Variants in SNRNP27 observed in about 807,000 individuals in gnomAD.
SNRNP27 encodes the protein small nuclear ribonucleoprotein U4/U6.U5 subunit 27.
Under a neutral mutation model 25.1 loss-of-function variants are expected in SNRNP27, and 22 were observed. The ratio of observed to expected loss-of-function variants is 0.88; its 90% CI spans 0.63 to 1.25. The LOEUF (loss-of-function observed/expected upper bound fraction) is 1.25, where lower values mean the gene tolerates loss of function less well. Among genes scored for constraint, SNRNP27 ranks in the 50% most tolerant of loss-of-function variants. SNRNP27 has a pLI of 0.00. For synonymous variants in SNRNP27, 66 were observed against 64.9 expected (o/e 1.02, Z -0.08); for missense variants, 150 against 202.3 (o/e 0.74, Z 1.57).
chr2:69,905,149 TA>T lies in SNRNP27; in HGVS notation c.*843del, dbSNP rs1676776161. ...CTTGGTTGTATCATAATTTATTAAC[TA>T]ATGTTTTATTGGTAAACATTGGCTT... is the stretch of plus-strand genomic sequence containing the variant. On this transcript the variant is annotated 3_prime_UTR_variant, in exon 6 of 6. Transcript: ENST00000244227. 1 of 152,218 alleles carries T rather than the reference TA, an allele frequency of 6.6e-6. No homozygotes were observed. The highest frequency in any genetic ancestry group is 2.4e-5 in the African/African-American group (1 of 41,466). The allele number at this position is 152,218 out of a possible 1,614,324, so 9.4% of individuals were successfully genotyped here.
At chr2:69,902,265 T>TCTCCTTCCTCCTC (rs1456327994) in intron 4 of SNRNP27, among the ~76,000 whole-genome samples, 2 of 144,290 alleles carry the variant, frequency 1.4e-5, no homozygotes, top group African/African-American at 2.6e-5. Flanking sequence ...CCTTCTTTCT[T>TCTCCTTCCTCCTC]CTCCTTCCTC....
intron 5 of SNRNP27, 66 bp from the exon 6 acceptor site, chr2:69,904,188 G>GTT (rs35836496): frequency 6.0e-3 from 5,536 of 918,262 alleles, no homozygotes; most frequent in South Asian, 0.012. Context: ...TCTGATGCAT[G>GTT]TTTTTTTTTT....
chr2:69,902,536 TCTGCTTCTG>T lies in SNRNP27; in HGVS notation c.349-630_349-622del, dbSNP rs372459720. On this transcript the variant is annotated intron_variant, in intron 4 of 5. Transcript: ENST00000244227. ...TGCTGCTGCTGCTCTAGCTTCTGCT[TCTGCTTCTG>T]CTGCTTCTGCTGCTCCTTCTGCTGC... Among the ~76,000 whole-genome samples, 1,052 of 152,072 alleles carry T rather than the reference TCTGCTTCTG, an allele frequency of 6.9e-3. 12 individuals are homozygous for T. Among genetic ancestry groups the T allele is most frequent in the African/African-American group, 0.024 (999 of 41,444 alleles).
chr2:69,902,452 G>T (rs553709358), intron 4 of SNRNP27, among the ~76,000 whole-genome samples: 1 of 151,802 alleles, frequency 6.6e-6, no homozygotes, highest in South Asian at 2.1e-4. Context: ...TGCTGCTCTT[G>T]CTTCTTCTTC....
rs1676775361 is a variant in SNRNP27 at position 69,905,117 on chromosome 2, G to A, written c.*809G>A. 6.6e-6 allele frequency: 1 copy of A among 152,062 alleles called. No homozygotes were observed. Among genetic ancestry groups the A allele is most frequent in the African/African-American group, 2.4e-5 (1 of 41,406 alleles). The allele number at this position is 152,062 out of a possible 1,614,324, so 9.4% of individuals were successfully genotyped here. A position where few individuals can be genotyped will look rare whatever the true frequency, so the allele number is the denominator to read the frequency against. On this transcript the variant is annotated 3_prime_UTR_variant, in exon 6 of 6. Transcript: ENST00000244227. ...ATATTCTTTGGAAACTTAGCTTTTA[G>A]TAACTACTTGGTTGTATCATAATTT...
chr2:69,904,338 T>A lies in SNRNP27; in HGVS notation c.*30T>A, dbSNP rs1558563261. On this transcript the variant is annotated 3_prime_UTR_variant, in exon 6 of 6. Coordinates refer to ENST00000244227, the MANE Select transcript of SNRNP27 (RefSeq NM_006857.3). ...TGAAGTGTTGAAGGATGATTTTTTTTCCCCTCATCTTGGTCAGAGAGTGGA... is the reference window on the plus strand; with the variant it reads ...TGAAGTGTTGAAGGATGATTTTTTTACCCCTCATCTTGGTCAGAGAGTGGA... The A allele has an allele frequency of 1.3e-6, 2 of 1,571,392 alleles. No homozygotes were observed. Among genetic ancestry groups the A allele is most frequent in the African/African-American group, 1.3e-5 (1 of 74,198 alleles).
chr2:69,899,721 C>A (rs1676661210), intron 4 of SNRNP27, among the ~76,000 whole-genome samples: 1 of 152,130 alleles, frequency 6.6e-6, no homozygotes, highest in Non-Finnish European at 1.5e-5. Flanking sequence ...TGAGACATTG[C>A]GCCCGGCCTC....
rs183299643 is a variant in SNRNP27 at position 69,902,176 on chromosome 2, C to T, written c.349-1005C>T. On this transcript the variant is annotated intron_variant, in intron 4 of 5. Coordinates refer to ENST00000244227, the MANE Select transcript of SNRNP27 (RefSeq NM_006857.3). ...CATAGGATCTGGAAATTATCTCTGCCTCATTGGACTCTCCTCCTTCCTCCT... is the reference window on the plus strand; with the variant it reads ...CATAGGATCTGGAAATTATCTCTGCTTCATTGGACTCTCCTCCTTCCTCCT... Among the ~76,000 whole-genome samples, 21 of 149,968 alleles carry T rather than the reference C, an allele frequency of 1.4e-4. No homozygotes were observed. The East Asian group carries it at 3.0e-3, about 21-fold the overall frequency.
chr2:69,902,276 C>CTTCCTTCTTTCTTCTCCT lies in SNRNP27; in HGVS notation c.349-904_349-903insTCCTTCTTTCTTCTCCTT, dbSNP rs758950914. 1.5e-3 allele frequency among the ~76,000 whole-genome samples: 220 copies of CTTCCTTCTTTCTTCTCCT among 149,728 alleles called. 1 individual carries two copies. Among genetic ancestry groups the CTTCCTTCTTTCTTCTCCT allele is most frequent in the African/African-American group, 5.3e-3 (213 of 40,534 alleles). Reference sequence around the variant, plus strand: ...CCTTCCTTCTTTCTTCTCCTTCCTCCTCCTCCTTCCTCCTTCCTCCTCCTT... The same window carrying CTTCCTTCTTTCTTCTCCT: ...CCTTCCTTCTTTCTTCTCCTTCCTCCTTCCTTCTTTCTTCTCCTTCCTCCTTCCTCCTTCCTCCTCCTT... On this transcript the variant is annotated intron_variant, in intron 4 of 5. Transcript: ENST00000244227.
Position 69,904,618 on chromosome 2 carries a change from T to A in SNRNP27, c.*310T>A. On this transcript the variant is annotated 3_prime_UTR_variant, in exon 6 of 6. Coordinates refer to ENST00000244227, the MANE Select transcript of SNRNP27 (RefSeq NM_006857.3). ...GCTCATTAGGACTTCTTAAAAAACATGAAAGTAATTTGGAAGTAAGTTTAT... is the reference window on the plus strand; with the variant it reads ...GCTCATTAGGACTTCTTAAAAAACAAGAAAGTAATTTGGAAGTAAGTTTAT... 2.1e-6 allele frequency: 1 copy of A among 479,984 alleles called. No individual in the cohort carries two copies. The highest frequency in any genetic ancestry group is 3.6e-6 in the Non-Finnish European group (1 of 275,760). 29.7% of individuals were successfully genotyped at this position (479,984 alleles called of 1,614,324 possible). A position where few individuals can be genotyped will look rare whatever the true frequency, so the allele number is the denominator to read the frequency against.
chr2:69,902,230 C>CCCTTCTTTCTTCTCCTTCCTCCTT (rs1295998253), intron 4 of SNRNP27, among the ~76,000 whole-genome samples: 2 of 149,730 alleles, frequency 1.3e-5, no homozygotes, highest in Admixed American at 6.6e-5. Flanking sequence ...CCTTCCTCCT[C>CCCTTCTTTCTTCTCCTTCCTCCTT]CCTTCTTTCT....
At chr2:69,903,132 T>C (rs1243525675) in intron 4 of SNRNP27, 49 bp from the exon 5 acceptor site, 1 of 1,430,010 alleles carries the variant, frequency 7.0e-7, no homozygotes, top group Non-Finnish European at 9.9e-7. Context: ...TATCCTGATT[T>C]AATGTATCCT....
At chr2:69,899,991 T>A (rs551597555) in intron 4 of SNRNP27, among the ~76,000 whole-genome samples, 1 of 152,082 alleles carries the variant, frequency 6.6e-6, no homozygotes, top group East Asian at 1.9e-4. Flanking sequence ...TCCATTTTTT[T>A]TTTTTTATTT....
chr2:69,903,081 G>C, intron 4 of SNRNP27, 100 bp from the exon 5 acceptor site: 1 of 924,786 alleles, frequency 1.1e-6, no homozygotes, highest in Non-Finnish European at 1.8e-6. Flanking sequence ...AAGTAGCTGG[G>C]AGTACAGGTA....
At position 69,895,170 on chromosome 2, in the gene SNRNP27, TC is replaced by T; in HGVS notation, c.112del (p.Arg38GlyfsTer30). 6.2e-7 allele frequency: 1 copy of T among 1,613,722 alleles called. No individual in the cohort carries two copies. The highest frequency in any genetic ancestry group is 8.5e-7 in the Non-Finnish European group (1 of 1,179,906). On this transcript the variant is annotated frameshift_variant, in exon 2 of 6. Coordinates refer to ENST00000244227, the MANE Select transcript of SNRNP27 (RefSeq NM_006857.3). LOFTEE classifies it high-confidence loss of function. ...AAAGGTCCAGGTCTCGGGAGAGAGA[TC>T]GGAGAAGGAGCCGCTCGCGATCCCC... is the stretch of plus-strand genomic sequence containing the variant. ...RERSRSRERD[R>X]RRSRSRSPHR...
intron 2 of SNRNP27, among the ~76,000 whole-genome samples, 188 bp downstream of exon 2, chr2:69,895,402 C>G (rs1440915382): frequency 6.6e-6 from 1 of 152,234 alleles, no homozygotes; most frequent in Non-Finnish European, 1.5e-5. Flanking sequence ...TACTCTACAT[C>G]ACAAAGTTGT....
At position 69,895,197 on chromosome 2, in the gene SNRNP27, G is replaced by A; in HGVS notation, c.138G>A (p.Pro46=). The part of the protein sequence containing the change: ...RDRRRSRSRS[P]HRRRSRSPRR... ...GGAGAAGGAGCCGCTCGCGATCCCC[G>A]CACCGAAGACGCTCCCGGTAAGGGC... is the stretch of plus-strand genomic sequence containing the variant. Residue 46 remains proline (P), a synonymous_variant, in exon 2 of 6, where the codon CCG becomes CCA. Coordinates refer to ENST00000244227, the MANE Select transcript of SNRNP27 (RefSeq NM_006857.3). 6.2e-7 allele frequency: 1 copy of A among 1,613,954 alleles called. No homozygotes were observed. Among genetic ancestry groups the A allele is most frequent in the Non-Finnish European group, 8.5e-7 (1 of 1,179,936 alleles).
chr2:69,899,738 T>C (rs1226841091), intron 4 of SNRNP27, among the ~76,000 whole-genome samples: 3 of 152,182 alleles, frequency 2.0e-5, no homozygotes, highest in Non-Finnish European at 4.4e-5. Context: ...CCTCATTTTT[T>C]AGTTTTTTAG....
At chr2:69,899,539 C>T (rs980176495) in intron 4 of SNRNP27, among the ~76,000 whole-genome samples, 17 of 152,176 alleles carry the variant, frequency 1.1e-4, no homozygotes, top group Non-Finnish European at 2.1e-4. Flanking sequence ...AACCGATTCT[C>T]CTGCCTTGGC....
Sources: allele counts gnomAD v4.1 joint callset (sites outside exome capture counted in the v4.1 genomes callset), GRCh38; gene constraint gnomAD v4.1.1; transcripts MANE v1.5; gene names NCBI Gene and HGNC (gene_info 2026-07-23, HGNC 2026-07-21).